The following CAMKMT variants were observed in gnomAD, a reference collection of about 807,000 sequenced individuals.
CAMKMT encodes CaM KMT.
A neutral mutation model predicts 48.0 loss-of-function variants in CAMKMT; 53 were observed. That is an observed-to-expected ratio of 1.10 (90% CI 0.89 to 1.39). The LOEUF is 1.39. CAMKMT is among the 40% of genes most tolerant of loss of function. The pLI is 0.00. For missense variants in CAMKMT, 428 were observed against 402.7 expected (o/e 1.06, Z -0.54); for synonymous variants, 165 against 152.3 (o/e 1.08, Z -0.61).
chr2:44,446,686 G>C (rs557818532), intron 3 of CAMKMT, among the ~76,000 whole-genome samples: 1 of 152,012 alleles, frequency 6.6e-6, no homozygotes, highest in Non-Finnish European at 1.5e-5. Context: ...CTTAAGTTCC[G>C]ACCTAGAGGC....
chr2:44,470,454 T>G (rs1296857967), intron 3 of CAMKMT, among the ~76,000 whole-genome samples: 1 of 151,956 alleles, frequency 6.6e-6, no homozygotes, highest in Non-Finnish European at 1.5e-5. Flanking sequence ...TGGCCCTCCA[T>G]GCTTCTCAAG....
At chr2:44,549,498 C>T (rs72881154) in intron 3 of CAMKMT, 7,992 of 691,766 alleles carry the variant, frequency 0.012, 352 homozygotes, top group African/African-American at 0.11. Flanking sequence ...CTGAAAACCA[C>T]AATTACTTTT....
intron 3 of CAMKMT, among the ~76,000 whole-genome samples, chr2:44,595,530 T>C (rs1174569380): frequency 1.3e-5 from 2 of 152,190 alleles, no homozygotes; most frequent in Non-Finnish European, 1.5e-5. Context: ...TGCATGCTCA[T>C]GGATAGGAAG....
intron 3 of CAMKMT, among the ~76,000 whole-genome samples, chr2:44,579,845 C>T (rs1044729539): frequency 6.6e-6 from 1 of 152,144 alleles, no homozygotes; most frequent in Non-Finnish European, 1.5e-5. Flanking sequence ...TTGCACAAAT[C>T]GAAAGTCAGA....
At chr2:44,367,867 T>C (rs1352330467) in intron 1 of CAMKMT, among the ~76,000 whole-genome samples, 1 of 152,232 alleles carries the variant, frequency 6.6e-6, no homozygotes, top group African/African-American at 2.4e-5. Flanking sequence ...ATCTAGCTAC[T>C]CTTCTAAAAG....
chr2:44,527,430 AT>A (rs5830792), intron 3 of CAMKMT, among the ~76,000 whole-genome samples: 63,356 of 107,610 alleles, frequency 0.59, 15,907 homozygotes, highest in Non-Finnish European at 0.65. Context: ...ATATATATAT[AT>A]TTTTTTTTTT....
At chr2:44,538,588 C>T (rs2104847309) in intron 3 of CAMKMT, among the ~76,000 whole-genome samples, 1 of 151,990 alleles carries the variant, frequency 6.6e-6, no homozygotes, top group African/African-American at 2.4e-5. Flanking sequence ...TGCAAAGATA[C>T]AGAGTGATAT....
At chr2:44,597,846 C>G (rs1191038894) in intron 3 of CAMKMT, among the ~76,000 whole-genome samples, 2 of 152,162 alleles carry the variant, frequency 1.3e-5, no homozygotes, top group African/African-American at 4.8e-5. Flanking sequence ...AAGCGATTCT[C>G]CTGCCTCAGC....
chr2:44,552,551 G>A (rs1200538521), intron 3 of CAMKMT, among the ~76,000 whole-genome samples: 3 of 152,204 alleles, frequency 2.0e-5, no homozygotes, highest in African/African-American at 4.8e-5. Context: ...AGAATCTGGT[G>A]TGAGGTCTGA....
chr2:44,547,775 C>T (rs1667485245), intron 3 of CAMKMT, among the ~76,000 whole-genome samples: 1 of 152,166 alleles, frequency 6.6e-6, no homozygotes. Flanking sequence ...ATATCTGACA[C>T]ATAGGAGAAG....
intron 2 of CAMKMT, among the ~76,000 whole-genome samples, chr2:44,378,517 CAG>C (rs1679924167): frequency 6.6e-6 from 1 of 151,806 alleles, no homozygotes; most frequent in African/African-American, 2.4e-5. Context: ...TGTTTTGAGA[CAG>C]AGTCTTGCTC....
chr2:44,448,141 C>T (rs1667103611), intron 3 of CAMKMT, among the ~76,000 whole-genome samples: 1 of 152,050 alleles, frequency 6.6e-6, no homozygotes, highest in South Asian at 2.1e-4. Flanking sequence ...CAGTTCTATA[C>T]CAAAATCCAC....
At chr2:44,510,194 A>G (rs552794503) in intron 3 of CAMKMT, among the ~76,000 whole-genome samples, 16 of 152,332 alleles carry the variant, frequency 1.1e-4, no homozygotes, top group East Asian at 3.9e-4. Flanking sequence ...CCAAGAGCAC[A>G]TACTGCATTT....
intron 7 of CAMKMT, chr2:44,723,889 G>A (rs566456800): frequency 1.3e-5 from 2 of 152,266 alleles, no homozygotes; most frequent in Non-Finnish European, 2.9e-5. Flanking sequence ...GTCCAGAAAT[G>A]TAAAATAATT....
At chr2:44,538,290 C>T (rs1666892537) in intron 3 of CAMKMT, among the ~76,000 whole-genome samples, 2 of 151,744 alleles carry the variant, frequency 1.3e-5, no homozygotes, top group African/African-American at 4.8e-5. Flanking sequence ...ATTGCTTGAA[C>T]CCGGGAGGTG....
chr2:44,745,087 T>TGAG (rs1274615217), intron 8 of CAMKMT, among the ~76,000 whole-genome samples: 3 of 152,132 alleles, frequency 2.0e-5, no homozygotes, highest in Admixed American at 2.0e-4. Context: ...ATTGCACAGA[T>TGAG]GAAGATAATG....
chr2:44,732,784 A>G (rs746767213), intron 7 of CAMKMT, among the ~76,000 whole-genome samples: 6 of 152,152 alleles, frequency 3.9e-5, no homozygotes, highest in Non-Finnish European at 8.8e-5. Context: ...TTTTCTTATC[A>G]TTGACATACT....
At chr2:44,709,362 G>A (rs1677744836) in intron 6 of CAMKMT, among the ~76,000 whole-genome samples, 1 of 152,182 alleles carries the variant, frequency 6.6e-6, no homozygotes, top group Non-Finnish European at 1.5e-5. Context: ...AAAACTGGTA[G>A]TGTGTTTTAT....
chr2:44,685,953 C>T (rs1321663241), intron 3 of CAMKMT, among the ~76,000 whole-genome samples: 1 of 151,998 alleles, frequency 6.6e-6, no homozygotes, highest in Non-Finnish European at 1.5e-5. Context: ...ATCTGATACG[C>T]ATTTCTTTGG....
Sources: gnomAD v4.1 joint callset for allele counts (sites outside exome capture counted in the v4.1 genomes callset) on GRCh38, gnomAD v4.1.1 for gene constraint, MANE v1.5 for transcripts, NCBI Gene and HGNC (gene_info 2026-07-23, HGNC 2026-07-21) for gene names.